SORL1: variants seen among roughly 807,000 people sequenced by gnomAD.
SORL1 encodes the protein sortilin-related receptor.
Under a neutral mutation model 273.7 loss-of-function variants are expected in SORL1, and 127 were observed. The observed-to-expected ratio is 0.46, with a 90% CI of 0.40 to 0.54. The LOEUF is 0.54. Among genes scored for constraint, SORL1 ranks in the 20% least tolerant of loss-of-function variants. The pLI, the probability that SORL1 is intolerant of heterozygous loss-of-function variation, is 0.00. For missense variants in SORL1, 2,494 were observed against 2,846.1 expected, an observed-to-expected ratio of 0.88 and a Z score of 2.81; for synonymous variants, 1,031 against 1,067.4, an observed-to-expected ratio of 0.97 and a Z score of 0.66.
intron 5 of SORL1, among the ~76,000 whole-genome samples, chr11:121,494,077 T>C (rs927167265): frequency 1.2e-4 from 18 of 152,224 alleles, no homozygotes; most frequent in African/African-American, 4.3e-4. Flanking sequence ...GGGGAAAAAT[T>C]GTTCTTTTAT....
At chr11:121,613,999 TAG>T (rs1277951669) in intron 40 of SORL1, among the ~76,000 whole-genome samples, 1 of 152,204 alleles carries the variant, frequency 6.6e-6, no homozygotes, top group East Asian at 1.9e-4. Flanking sequence ...AACAAGGAAA[TAG>T]AGAGTTTAAA....
intron 8 of SORL1, among the ~76,000 whole-genome samples, chr11:121,516,722 A>T (rs1053120750): frequency 6.6e-6 from 1 of 151,508 alleles, no homozygotes; most frequent in East Asian, 1.9e-4. Context: ...GGCGGACCCT[A>T]CCTCCTTCTG....
chr11:121,582,427 T>C (rs186770011), intron 25 of SORL1, among the ~76,000 whole-genome samples: 30 of 152,392 alleles, frequency 2.0e-4, no homozygotes, highest in Non-Finnish European at 4.0e-4. Context: ...TATTATCTTA[T>C]GCTGGTTGTA....
At chr11:121,525,845 A>G (rs1862113530) in intron 11 of SORL1, among the ~76,000 whole-genome samples, 2 of 152,158 alleles carry the variant, frequency 1.3e-5, no homozygotes, top group Admixed American at 1.3e-4. Flanking sequence ...GCCATGGGCA[A>G]CATAGGGAAA....
intron 2 of SORL1, 77 bp from the exon 3 acceptor site, chr11:121,478,041 A>G: frequency 1.4e-6 from 2 of 1,428,386 alleles, no homozygotes; most frequent in South Asian, 2.8e-5. Flanking sequence ...TCAAAAAAAA[A>G]AAAAAAAAAA....
In SORL1 at chr11:121,604,343, G is replaced by A. The variant is rs948190621; in HGVS notation, c.4651+19G>A. On this transcript the variant is annotated intron_variant, in intron 33 of 47. Coordinates refer to ENST00000260197, the MANE Select transcript of SORL1 (RefSeq NM_003105.6). ...TGCAGTGGTGAGTGCCGGTCCACGG[G>A]CTGGGCTGGGCTGGGCTGGGCTGGG... 8 of 1,603,178 alleles carry A rather than the reference G, an allele frequency of 5.0e-6. No individual in the cohort carries two copies. Among genetic ancestry groups the A allele is most frequent in the Non-Finnish European group, 6.0e-6 (7 of 1,175,264 alleles).
chr11:121,493,698 A>T (rs1052840412), intron 5 of SORL1, among the ~76,000 whole-genome samples: 1 of 152,046 alleles, frequency 6.6e-6, no homozygotes, highest in Non-Finnish European at 1.5e-5. Context: ...CTAGTTTTTC[A>T]TTTGTTTTTA....
intron 43 of SORL1, among the ~76,000 whole-genome samples, chr11:121,620,255 T>A (rs1020570126): frequency 5.3e-5 from 8 of 152,200 alleles, no homozygotes; most frequent in African/African-American, 1.4e-4. Flanking sequence ...AAATAAAGTT[T>A]TATTGGAACC....
chr11:121,607,954 G>A, intron 37 of SORL1, 150 bp from the exon 38 acceptor site: 1 of 597,122 alleles, frequency 1.7e-6, no homozygotes, highest in South Asian at 2.5e-5. Context: ...TTCAGATGCT[G>A]GGGCCTCTGA....
intron 12 of SORL1, among the ~76,000 whole-genome samples, chr11:121,533,799 CA>C (rs1862233514): frequency 6.6e-6 from 1 of 152,064 alleles, no homozygotes; most frequent in Non-Finnish European, 1.5e-5. Context: ...GAGAGAGAAG[CA>C]AAGTACTGGT....
Position 121,554,080 on chromosome 11 carries a change from TG to T in SORL1, c.2412del (p.Trp804CysfsTer14). On this transcript the variant is annotated frameshift_variant, in exon 17 of 48. Coordinates refer to ENST00000260197, the MANE Select transcript of SORL1 (RefSeq NM_003105.6). LOFTEE classifies it high-confidence loss of function. This position sits in a 1 kb window ranked among gnomAD's most constrained non-coding sequence, Gnocchi z 4.6. ...DFDYEHNCLY[W>X]SDLALDVIQR... is the part of the protein sequence containing the mutation. Reference sequence around the variant, plus strand: ...TGACTATGAGCACAACTGTTTGTATTGGTCCGACCTGGCCTTGGACGTCATC... The same window carrying T: ...TGACTATGAGCACAACTGTTTGTATTGTCCGACCTGGCCTTGGACGTCATC... 1 of 1,614,138 alleles carries T rather than the reference TG, an allele frequency of 6.2e-7. No homozygotes were observed. Among genetic ancestry groups the T allele is most frequent in the Non-Finnish European group, 8.5e-7 (1 of 1,180,006 alleles).
chr11:121,596,581 C>T lies in SORL1; in HGVS notation c.4519+809C>T, dbSNP rs1012380729. The stretch of plus-strand genomic sequence containing the variant: ...CTGACGGTTGGGTGCTGCTCTGGCT[C>T]GGGGATCCCTGCTTTGCGGGCCTCC... On this transcript the variant is annotated intron_variant, in intron 32 of 47. Coordinates refer to ENST00000260197, the MANE Select transcript of SORL1 (RefSeq NM_003105.6). The surrounding 1 kb of genome is among the most constrained non-coding windows in gnomAD (Gnocchi z 4.3). Among the ~76,000 whole-genome samples the T allele has an allele frequency of 5.3e-5, 8 of 152,102 alleles. No homozygotes were observed. Among genetic ancestry groups the T allele is most frequent in the East Asian group, 1.9e-4 (1 of 5,178 alleles).
At chr11:121,555,113 C>T (rs113631781) in intron 17 of SORL1, 74 bp from the exon 18 acceptor site, 1 of 1,474,616 alleles carries the variant, frequency 6.8e-7, no homozygotes, top group African/African-American at 1.4e-5. Context: ...TAAAGGGTTA[C>T]CCTTCATGGG....
chr11:121,557,863 A>G (rs556168279), intron 19 of SORL1, among the ~76,000 whole-genome samples: 8 of 152,352 alleles, frequency 5.3e-5, no homozygotes, highest in Admixed American at 5.2e-4. Context: ...ACTGAAGGAA[A>G]CATAATTAAG....
chr11:121,475,050 A>G (rs1861241586), intron 2 of SORL1, among the ~76,000 whole-genome samples: 1 of 152,172 alleles, frequency 6.6e-6, no homozygotes, highest in Admixed American at 6.5e-5. Flanking sequence ...TGAGCTTAGG[A>G]GTTGGAGACC....
At chr11:121,615,753 C>G (rs1863630380) in intron 41 of SORL1, among the ~76,000 whole-genome samples, 1 of 152,158 alleles carries the variant, frequency 6.6e-6, no homozygotes, top group Non-Finnish European at 1.5e-5. Flanking sequence ...TTGCAAGTAG[C>G]TGTCTGTAAA....
intron 37 of SORL1, among the ~76,000 whole-genome samples, chr11:121,607,752 A>G (rs1186973507): frequency 5.3e-5 from 8 of 152,166 alleles, no homozygotes; most frequent in Admixed American, 4.6e-4. Flanking sequence ...AAGTGTGCAC[A>G]TTCATGACTC....
At chr11:121,479,187 G>A (rs1459452977) in intron 3 of SORL1, among the ~76,000 whole-genome samples, 1 of 152,158 alleles carries the variant, frequency 6.6e-6, no homozygotes, top group Non-Finnish European at 1.5e-5. Flanking sequence ...TTGATTTGAG[G>A]AAGCGTTGAC....
At chr11:121,520,543 T>C in intron 8 of SORL1, 114 bp from the exon 9 acceptor site, 1 of 643,186 alleles carries the variant, frequency 1.6e-6, no homozygotes. Flanking sequence ...CACAACATTG[T>C]GAATGTGCTT....
Sources: allele counts gnomAD v4.1 joint callset (sites outside exome capture counted in the v4.1 genomes callset), GRCh38; gene constraint gnomAD v4.1.1; non-coding constraint Gnocchi (gnomAD v3.1); transcripts MANE v1.5; gene names NCBI Gene and HGNC (gene_info 2026-07-23, HGNC 2026-07-21).